Variants in GLIPR1L2 observed in about 807,000 individuals in gnomAD.
GLIPR1L2 encodes the protein GLIPR1 like 2.
Under a neutral mutation model 28.4 loss-of-function variants are expected in GLIPR1L2, and 21 were observed. The observed-to-expected ratio is 0.74, with a 90% CI of 0.52 to 1.06. The LOEUF is 1.06. GLIPR1L2 is among the 50% of genes least tolerant of loss of function. The pLI, the probability that GLIPR1L2 is intolerant of heterozygous loss-of-function variation, is 0.00. For synonymous variants in GLIPR1L2, 145 were observed against 139.3 expected, an observed-to-expected ratio of 1.04 and a Z score of -0.29; for missense variants, 476 against 416.9, an observed-to-expected ratio of 1.14 and a Z score of -1.23.
At chr12:75,391,434 T>C (rs1029425373) in intron 1 of GLIPR1L2, 84 bp downstream of exon 1, 18 of 1,601,950 alleles carry the variant, frequency 1.1e-5, no homozygotes, top group African/African-American at 1.3e-5. Context: ...GGGCCACTGC[T>C]CTGAGGCTGA....
At chr12:75,404,920 ACTG>A (rs1039882424) in intron 1 of GLIPR1L2, among the ~76,000 whole-genome samples, 6 of 152,186 alleles carry the variant, frequency 3.9e-5, no homozygotes, top group African/African-American at 1.4e-4. Context: ...AGTAAGATAA[ACTG>A]CTAAAACATA....
chr12:75,408,247 G>A (rs550667244), intron 1 of GLIPR1L2, among the ~76,000 whole-genome samples: 3 of 152,018 alleles, frequency 2.0e-5, no homozygotes, highest in Non-Finnish European at 4.4e-5. Flanking sequence ...TTGAATAAAA[G>A]AATTTGGAGC....
intron 1 of GLIPR1L2, chr12:75,402,879 C>T: frequency 2.4e-6 from 1 of 411,728 alleles, no homozygotes; most frequent in Non-Finnish European, 4.9e-6. Context: ...GGTATAAATC[C>T]CCACTTATCC....
chr12:75,429,938 C>CTTTTCTTTTTTTT (rs2046074415), intron 4 of GLIPR1L2, among the ~76,000 whole-genome samples: 1 of 128,656 alleles, frequency 7.8e-6, no homozygotes, highest in East Asian at 2.2e-4. Context: ...TCTTTTCTTT[C>CTTTTCTTTTTTTT]TTTTTTTTTT....
At chr12:75,399,150 G>T (rs1193833884) in intron 1 of GLIPR1L2, among the ~76,000 whole-genome samples, 1 of 152,036 alleles carries the variant, frequency 6.6e-6, no homozygotes, top group African/African-American at 2.4e-5. Context: ...AAAAATGAGG[G>T]TTATTGAACA....
chr12:75,422,834 A>G, intron 3 of GLIPR1L2, 70 bp from the exon 4 acceptor site: 1 of 1,270,972 alleles, frequency 7.9e-7, no homozygotes, highest in Non-Finnish European at 1.1e-6. Context: ...ATTAGTAACT[A>G]TATTATTTAA....
chr12:75,408,367 G>C (rs1429754891), intron 1 of GLIPR1L2, among the ~76,000 whole-genome samples: 3 of 151,918 alleles, frequency 2.0e-5, no homozygotes, highest in Non-Finnish European at 2.9e-5. Flanking sequence ...TACTGTCTAT[G>C]AGACATTTAA....
chr12:75,422,894 T>TAAA lies in GLIPR1L2; in HGVS notation c.585-10_585-9insAAA. On this transcript the variant is annotated splice_polypyrimidine_tract_variant and intron_variant, in intron 3 of 5. Coordinates refer to ENST00000550916, the MANE Select transcript of GLIPR1L2 (RefSeq NM_001270396.2). ...TTCTAACTAAATGTTTTCTGCTTTTTTGTTTGTAGAGGAACACTGACGAGA... is the reference window on the plus strand; with the variant it reads ...TTCTAACTAAATGTTTTCTGCTTTTTAAATGTTTGTAGAGGAACACTGACGAGA... The TAAA allele has an allele frequency of 6.3e-7, 1 of 1,587,958 alleles. No individual in the cohort carries two copies. The highest frequency in any genetic ancestry group is 8.5e-7 in the Non-Finnish European group (1 of 1,172,816).
intron 1 of GLIPR1L2, among the ~76,000 whole-genome samples, chr12:75,392,307 C>G (rs542750800): frequency 6.6e-6 from 1 of 152,278 alleles, no homozygotes; most frequent in African/African-American, 2.4e-5. Context: ...ACCAGCTGTT[C>G]TGTTTTCACC....
chr12:75,402,683 A>G (rs1171294157), intron 1 of GLIPR1L2, among the ~76,000 whole-genome samples: 2 of 152,184 alleles, frequency 1.3e-5, no homozygotes, highest in Admixed American at 6.5e-5. Flanking sequence ...CCTAAAGCCT[A>G]CATTGCCCAG....
At chr12:75,425,924 G>T (rs912786805) in intron 4 of GLIPR1L2, among the ~76,000 whole-genome samples, 4 of 152,048 alleles carry the variant, frequency 2.6e-5, no homozygotes, top group Non-Finnish European at 5.9e-5. Flanking sequence ...TGGAAATTAA[G>T]AATTTTAATA....
rs763218183 is a variant in GLIPR1L2, at chr12:75,422,942, T to C, written c.623T>C (p.Phe208Ser). 3 of 1,612,608 alleles carry C rather than the reference T, an allele frequency of 1.9e-6. No individual in the cohort carries two copies. In the African/African-American group the frequency reaches 4.0e-5, roughly 22 times the overall value. Residue 208 changes from phenylalanine to serine, a missense_variant, in exon 4 of 6, where the codon TTT (phenylalanine) becomes TCT (serine). Transcript: ENST00000550916. Reference protein sequence around the residue: ...LTRRPYEPGIFCTRCGRRDKC... With the variant: ...LTRRPYEPGISCTRCGRRDKC... ...AGAAGACCTTATGAACCAGGAATAT[T>C]TTGTACTCGATGTGGCAGACGTGAC...
Position 75,394,763 on chromosome 12 carries a change from CAAAAAAAAAAAA to C in GLIPR1L2, c.234+3423_234+3434del, listed in dbSNP as rs71078727. On this transcript the variant is annotated intron_variant, in intron 1 of 5. Transcript: ENST00000550916. Reference sequence around the variant, plus strand: ...TTTGAGATGTATTTTTGTATTTCTGCAAAAAAAAAAAAAAAAAAAAACATTATTGGGATTTTG... The same window carrying C: ...TTTGAGATGTATTTTTGTATTTCTGCAAAAAAAAACATTATTGGGATTTTG... Among the ~76,000 whole-genome samples, 580 of 80,294 alleles carry C rather than the reference CAAAAAAAAAAAA, an allele frequency of 7.2e-3. 23 individuals are homozygous for C. The highest frequency in any genetic ancestry group is 1.2e-3 in the Non-Finnish European group (48 of 41,032). 52.7% of individuals were successfully genotyped at this position (80,294 alleles called of 152,430 possible).
At chr12:75,411,490 T>G (rs1285622845) in intron 2 of GLIPR1L2, among the ~76,000 whole-genome samples, 1 of 148,738 alleles carries the variant, frequency 6.7e-6, no homozygotes, top group African/African-American at 2.5e-5. Flanking sequence ...TTTTCATCAG[T>G]TTTTTTTTTC....
At chr12:75,397,057 C>T (rs1372632451) in intron 1 of GLIPR1L2, among the ~76,000 whole-genome samples, 1 of 152,080 alleles carries the variant, frequency 6.6e-6, no homozygotes, top group African/African-American at 2.4e-5. Flanking sequence ...TCTCTAGTCT[C>T]CCTGTCTTGA....
intron 3 of GLIPR1L2, among the ~76,000 whole-genome samples, chr12:75,418,665 C>T (rs1015724419): frequency 2.6e-5 from 4 of 152,024 alleles, no homozygotes; most frequent in Non-Finnish European, 5.9e-5. Context: ...TATTCGGGCT[C>T]TTTTTAGTTC....
intron 3 of GLIPR1L2, 23 bp downstream of exon 3, chr12:75,413,724 AAG>A: frequency 9.0e-7 from 1 of 1,109,892 alleles, no homozygotes; most frequent in Non-Finnish European, 1.3e-6. Flanking sequence ...AAATTAATAA[AAG>A]AATATAAAAA....
chr12:75,394,165 C>A (rs559399764), intron 1 of GLIPR1L2, among the ~76,000 whole-genome samples: 9 of 151,878 alleles, frequency 5.9e-5, no homozygotes, highest in Admixed American at 3.3e-4. Flanking sequence ...GGATATTAAT[C>A]TTTTTCAGAT....
chr12:75,396,724 A>G (rs528918156), intron 1 of GLIPR1L2, among the ~76,000 whole-genome samples: 4 of 152,278 alleles, frequency 2.6e-5, no homozygotes, highest in African/African-American at 9.6e-5. Flanking sequence ...CCTATCCCAG[A>G]CTTACTGAAT....
Sources: gnomAD v4.1 joint callset for allele counts (sites outside exome capture counted in the v4.1 genomes callset) on GRCh38, gnomAD v4.1.1 for gene constraint, MANE v1.5 for transcripts, NCBI Gene and HGNC (gene_info 2026-07-23, HGNC 2026-07-21) for gene names.